Variants in TSPAN18 observed in about 807,000 individuals in gnomAD.
The protein encoded by TSPAN18 is tetraspanin 18.
A neutral mutation model predicts 27.3 loss-of-function variants in TSPAN18; 14 were observed. The observed-to-expected ratio is 0.51, with a 90% CI of 0.34 to 0.80. The LOEUF is 0.80. Among genes scored for constraint, TSPAN18 ranks in the 30% least tolerant of loss-of-function variants. TSPAN18 has a pLI of 0.01. For missense variants in TSPAN18, 268 were observed against 323.9 expected, an observed-to-expected ratio of 0.83 and a Z score of 1.32; for synonymous variants, 143 against 136.5, an observed-to-expected ratio of 1.05 and a Z score of -0.33.
intron 3 of TSPAN18, among the ~76,000 whole-genome samples, chr11:44,885,565 A>C (rs1363405183): frequency 6.6e-6 from 1 of 152,162 alleles, no homozygotes; most frequent in South Asian, 2.1e-4. Flanking sequence ...TTCCAAGCCC[A>C]GCCCTCTCCC....
In TSPAN18 at chr11:44,894,091, C is replaced by T. The variant is rs372400318; in HGVS notation, c.-10-12316C>T. ...GGGCTGGCGCTGTTGGTGCCGGGAG[C>T]GCAGGAAGGAGGGAACGGGGTGTGC... On this transcript the variant is annotated intron_variant, in intron 3 of 9. Transcript: ENST00000520358. 1.8e-3 allele frequency among the ~76,000 whole-genome samples: 280 copies of T among 152,300 alleles called. 6 individuals carry two copies. In the South Asian group the frequency reaches 0.05, roughly 27 times the overall value.
chr11:44,797,828 TTCTC>T (rs1262040731), intron 2 of TSPAN18, among the ~76,000 whole-genome samples: 1 of 152,168 alleles, frequency 6.6e-6, no homozygotes, highest in East Asian at 1.9e-4. Context: ...CCTCTGGCCT[TTCTC>T]TAAGTGGGTG....
At chr11:44,731,960 G>C (rs563162697) in intron 1 of TSPAN18, among the ~76,000 whole-genome samples, 1 of 152,322 alleles carries the variant, frequency 6.6e-6, no homozygotes, top group East Asian at 1.9e-4. Context: ...CTCTCCCAGA[G>C]TCACCCAAAT....
chr11:44,825,616 C>G (rs938626184), intron 2 of TSPAN18, among the ~76,000 whole-genome samples: 1 of 152,194 alleles, frequency 6.6e-6, no homozygotes, highest in African/African-American at 2.4e-5. Context: ...CTGACAGACT[C>G]GAGCTGGAAA....
At chr11:44,913,021 A>G (rs1429732870) in intron 5 of TSPAN18, among the ~76,000 whole-genome samples, 1 of 152,232 alleles carries the variant, frequency 6.6e-6, no homozygotes, top group Admixed American at 6.5e-5. Context: ...AAAAATAAGA[A>G]AAACCACTTC....
Position 44,740,369 on chromosome 11 carries a change from C to G in TSPAN18, c.-240+13082C>G, listed in dbSNP as rs180969860. ...AAAGGGCTTTTTGTTGTTTTATTTTCCTTTCCAGAGCCTTCTTGCTGGGAA... is the reference window on the plus strand; with the variant it reads ...AAAGGGCTTTTTGTTGTTTTATTTTGCTTTCCAGAGCCTTCTTGCTGGGAA... On this transcript the variant is annotated intron_variant, in intron 1 of 9. Coordinates refer to ENST00000520358, the MANE Select transcript of TSPAN18 (RefSeq NM_130783.5). 4.5e-3 allele frequency among the ~76,000 whole-genome samples: 678 copies of G among 152,254 alleles called. 9 individuals carry two copies. Among genetic ancestry groups the G allele is most frequent in the Admixed American group, 0.04 (619 of 15,288 alleles).
intron 8 of TSPAN18, among the ~76,000 whole-genome samples, chr11:44,924,249 A>ATTGAGAGCTTGC (rs140826567): frequency 0.014 from 2,138 of 152,154 alleles, 48 homozygotes; most frequent in African/African-American, 0.048. Context: ...AGGCATTGAG[A>ATTGAGAGCTTGC]TTGAGAGCTT....
At chr11:44,786,566 C>G (rs941806879) in intron 2 of TSPAN18, among the ~76,000 whole-genome samples, 3 of 151,894 alleles carry the variant, frequency 2.0e-5, no homozygotes, top group African/African-American at 7.3e-5. Context: ...GGAAGTTGCC[C>G]CAGGATCTAG....
chr11:44,857,748 A>G (rs1044197668), intron 2 of TSPAN18, among the ~76,000 whole-genome samples: 2 of 152,052 alleles, frequency 1.3e-5, no homozygotes, highest in East Asian at 1.9e-4. Flanking sequence ...ATCCTCCCCA[A>G]CTGGCACTTC....
chr11:44,833,417 T>C (rs1857195770), intron 2 of TSPAN18, among the ~76,000 whole-genome samples: 1 of 152,034 alleles, frequency 6.6e-6, no homozygotes, highest in Non-Finnish European at 1.5e-5. Context: ...CTAGTTGCCT[T>C]GTTTGCAAGA....
chr11:44,911,790 A>G (rs778440068), intron 5 of TSPAN18, among the ~76,000 whole-genome samples: 5 of 152,064 alleles, frequency 3.3e-5, no homozygotes, highest in Admixed American at 6.6e-5. Context: ...CCGCCCCAGG[A>G]CGTCCTCCCT....
intron 9 of TSPAN18, among the ~76,000 whole-genome samples, chr11:44,928,046 C>T (rs1860433660): frequency 1.3e-5 from 2 of 152,206 alleles, no homozygotes; most frequent in African/African-American, 2.4e-5. Context: ...GTAGCCCCTC[C>T]CCACCCCAGT....
At chr11:44,920,143 C>A in intron 8 of TSPAN18, 144 bp downstream of exon 8, 1 of 840,156 alleles carries the variant, frequency 1.2e-6, no homozygotes, top group Non-Finnish European at 1.8e-6. Flanking sequence ...GGGATGCCTG[C>A]ACCTGAGCAG....
intron 3 of TSPAN18, among the ~76,000 whole-genome samples, chr11:44,873,461 C>T (rs1478458807): frequency 4.6e-5 from 7 of 152,222 alleles, no homozygotes; most frequent in Non-Finnish European, 7.3e-5. Flanking sequence ...TGGCCCTATT[C>T]TTGTGGCTGC....
rs527549263 is a variant in TSPAN18 at position 44,801,489 on chromosome 11, T to C, written c.-153+36977T>C. On this transcript the variant is annotated intron_variant, in intron 2 of 9. Transcript: ENST00000520358. ...ATACAGAAGGTACCCAGTACATACC[T>C]GTGGAAGGAAATAATATCCATATAG... is the stretch of plus-strand genomic sequence containing the variant. 7.2e-5 allele frequency among the ~76,000 whole-genome samples: 11 copies of C among 152,292 alleles called. 1 individual carries two copies. The highest frequency in any genetic ancestry group is 2.6e-4 in the African/African-American group (11 of 41,554).
rs1456031057 is a variant in TSPAN18 at position 44,931,046 on chromosome 11, G to A, written c.*1868G>A. 19 of 442,170 alleles carry A rather than the reference G, an allele frequency of 4.3e-5. No homozygotes were observed. In the Middle Eastern group the frequency reaches 1.3e-3, roughly 30 times the overall value. 27.4% of individuals were successfully genotyped at this position (442,170 alleles called of 1,614,324 possible). A position where few individuals can be genotyped will look rare whatever the true frequency, so the allele number is the denominator to read the frequency against. The stretch of plus-strand genomic sequence containing the variant: ...CTCTGTGCCTGCTGCAAAGATTCAG[G>A]TGGACCCTCCTCTAATCTCCTCCTG... On this transcript the variant is annotated 3_prime_UTR_variant, in exon 10 of 10. Transcript: ENST00000520358.
chr11:44,815,308 C>T (rs1009320661), intron 2 of TSPAN18, among the ~76,000 whole-genome samples: 2 of 152,204 alleles, frequency 1.3e-5, no homozygotes, highest in Non-Finnish European at 2.9e-5. Flanking sequence ...TGTGTCGAAA[C>T]AAGGGACCAA....
At chr11:44,726,370 C>A (rs1205645754), upstream of TSPAN18, 2 of 152,420 alleles carry the variant, frequency 1.3e-5, no homozygotes, top group Admixed American at 1.3e-4. Flanking sequence ...CCCGCAAGAA[C>A]CTCAGCCCTG....
At position 44,872,597 on chromosome 11, in the gene TSPAN18, GTTAT is replaced by G. The variant is rs1858225069; in HGVS notation, c.-11+12132_-11+12135del. Among the ~76,000 whole-genome samples, 5 of 152,306 alleles carry G rather than the reference GTTAT, an allele frequency of 3.3e-5. No individual in the cohort carries two copies. In the South Asian group the frequency reaches 1.0e-3, roughly 32 times the overall value. On this transcript the variant is annotated intron_variant, in intron 3 of 9. Transcript: ENST00000520358. ...AAAGCCTAATGAATACAGTTCACATGTTATTTAATGATAGCAGGTATCTATATTG... is the reference window on the plus strand; with the variant it reads ...AAAGCCTAATGAATACAGTTCACATGTTAATGATAGCAGGTATCTATATTG...
Sources: gnomAD v4.1 joint callset for allele counts (sites outside exome capture counted in the v4.1 genomes callset) on GRCh38, gnomAD v4.1.1 for gene constraint, MANE v1.5 for transcripts, NCBI Gene and HGNC (gene_info 2026-07-23, HGNC 2026-07-21) for gene names.